CCSER1: variants seen among roughly 807,000 people sequenced by gnomAD.
CCSER1 encodes the protein coiled-coil serine rich protein 1.
A neutral mutation model predicts 82.0 loss-of-function variants in CCSER1; 41 were observed. The observed-to-expected ratio is 0.50, with a 90% CI of 0.39 to 0.65. CCSER1 has a LOEUF of 0.65. Among genes scored for constraint, CCSER1 ranks in the 30% least tolerant of loss-of-function variants. CCSER1 has a pLI of 0.00. For missense variants in CCSER1, 1,119 were observed against 1,064.2 expected (o/e 1.05, Z -0.72); for synonymous variants, 414 against 383.9 (o/e 1.08, Z -0.92).
intron 5 of CCSER1, among the ~76,000 whole-genome samples, chr4:90,537,880 T>G (rs2153634278): frequency 6.6e-6 from 1 of 152,300 alleles, no homozygotes; most frequent in South Asian, 2.1e-4. Context: ...TTTTATTTTC[T>G]TATTGTCTCT....
intron 9 of CCSER1, among the ~76,000 whole-genome samples, chr4:91,068,036 C>T (rs1721024094): frequency 6.6e-6 from 1 of 152,136 alleles, no homozygotes; most frequent in African/African-American, 2.4e-5. Flanking sequence ...CTTACTATAA[C>T]AAATAAATGC....
rs902762513 is a variant in CCSER1 at position 90,413,066 on chromosome 4, C to G, written c.1603+12937C>G. 2.0e-5 allele frequency among the ~76,000 whole-genome samples: 3 copies of G among 152,270 alleles called. No individual in the cohort carries two copies. The South Asian group carries it at 6.2e-4, about 32-fold the overall frequency. ...ACCTAGAAAACCCTAAAGACTCATT[C>G]AAAAACCTCCTGGTAAATGAATTTA... On this transcript the variant is annotated intron_variant, in intron 4 of 10. Coordinates refer to ENST00000509176, the MANE Select transcript of CCSER1 (RefSeq NM_001145065.2).
At chr4:90,399,958 T>A (rs1752574506) in intron 3 of CCSER1, 78 bp from the exon 4 acceptor site, 1 of 705,872 alleles carries the variant, frequency 1.4e-6, no homozygotes, top group South Asian at 2.2e-5. Context: ...CATTTTTGCT[T>A]CACGGCTTCC....
intron 10 of CCSER1, among the ~76,000 whole-genome samples, chr4:91,537,111 C>T (rs988213617): frequency 4.6e-5 from 7 of 152,118 alleles, no homozygotes; most frequent in African/African-American, 7.2e-5. Context: ...TGTTTATTAG[C>T]GGTCAGGCAT....
At chr4:91,075,833 C>T (rs541067750) in intron 9 of CCSER1, among the ~76,000 whole-genome samples, 2 of 152,092 alleles carry the variant, frequency 1.3e-5, no homozygotes, top group Non-Finnish European at 2.9e-5. Flanking sequence ...GGTGATATTA[C>T]AGTATGATTT....
chr4:90,316,069 GT>G (rs1736113868), intron 3 of CCSER1, among the ~76,000 whole-genome samples: 1 of 152,176 alleles, frequency 6.6e-6, no homozygotes, highest in Non-Finnish European at 1.5e-5. Context: ...AGAAACATGT[GT>G]TTTTAATGCT....
At chr4:90,772,261 T>A (rs1166757996) in intron 7 of CCSER1, among the ~76,000 whole-genome samples, 1 of 152,114 alleles carries the variant, frequency 6.6e-6, no homozygotes, top group Non-Finnish European at 1.5e-5. Flanking sequence ...GAGTTTTGTG[T>A]TTGAATCAAT....
chr4:90,684,238 G>A (rs1175796173), intron 6 of CCSER1, among the ~76,000 whole-genome samples: 1 of 152,120 alleles, frequency 6.6e-6, no homozygotes, highest in Non-Finnish European at 1.5e-5. Flanking sequence ...AGGAAATAAT[G>A]AGCAATAGAA....
chr4:91,016,521 G>A (rs1206483439), intron 9 of CCSER1, among the ~76,000 whole-genome samples: 2 of 151,900 alleles, frequency 1.3e-5, no homozygotes, highest in African/African-American at 4.8e-5. Flanking sequence ...AATTATGACT[G>A]TGGTAGTAGC....
intron 10 of CCSER1, among the ~76,000 whole-genome samples, chr4:91,247,851 G>C (rs1263682227): frequency 6.6e-6 from 1 of 152,128 alleles, no homozygotes; most frequent in African/African-American, 2.4e-5. Context: ...CTAGGCGACA[G>C]AGTGAGACTC....
chr4:90,466,417 C>G (rs28631611), intron 4 of CCSER1, among the ~76,000 whole-genome samples: 1 of 152,120 alleles, frequency 6.6e-6, no homozygotes, highest in East Asian at 1.9e-4. Flanking sequence ...GTAAAAGGAG[C>G]CTTGAATCCT....
intron 10 of CCSER1, among the ~76,000 whole-genome samples, chr4:91,298,180 G>T (rs1744369432): frequency 6.6e-6 from 1 of 152,010 alleles, no homozygotes; most frequent in Admixed American, 6.6e-5. Flanking sequence ...TAGAAAAGTG[G>T]ATCAGTCAGA....
chr4:90,409,563 T>A (rs1754343596), intron 4 of CCSER1, among the ~76,000 whole-genome samples: 1 of 152,178 alleles, frequency 6.6e-6, no homozygotes, highest in Non-Finnish European at 1.5e-5. Context: ...TAAAATCCTT[T>A]ACATACAAGC....
At chr4:90,410,315 C>A (rs1193631971) in intron 4 of CCSER1, among the ~76,000 whole-genome samples, 1 of 152,176 alleles carries the variant, frequency 6.6e-6, no homozygotes, top group African/African-American at 2.4e-5. Flanking sequence ...CACCCCAAAT[C>A]AACAGAATAT....
chr4:90,540,523 A>G (rs1213833767), intron 5 of CCSER1, among the ~76,000 whole-genome samples: 2 of 152,152 alleles, frequency 1.3e-5, no homozygotes, highest in East Asian at 3.9e-4. Context: ...AATAGACAAC[A>G]GCAGAACCTT....
chr4:90,809,600 A>G (rs1201570248), intron 7 of CCSER1, among the ~76,000 whole-genome samples: 9 of 152,136 alleles, frequency 5.9e-5, no homozygotes, highest in Admixed American at 5.9e-4. Flanking sequence ...TATTTAAGTG[A>G]TAAGTACACT....
chr4:90,951,756 G>T (rs1354997404), intron 9 of CCSER1, among the ~76,000 whole-genome samples: 1 of 152,054 alleles, frequency 6.6e-6, no homozygotes, highest in African/African-American at 2.4e-5. Context: ...ATAGGTAATT[G>T]TGATTTATTC....
intron 8 of CCSER1, among the ~76,000 whole-genome samples, chr4:90,840,355 G>A (rs1202612591): frequency 4.6e-5 from 7 of 152,108 alleles, no homozygotes; most frequent in Non-Finnish European, 4.4e-5. Flanking sequence ...TTCACCATGG[G>A]AAATCTGTAA....
intron 10 of CCSER1, among the ~76,000 whole-genome samples, chr4:91,149,653 G>T (rs747647895): frequency 1.3e-5 from 2 of 152,144 alleles, no homozygotes; most frequent in Non-Finnish European, 2.9e-5. Flanking sequence ...ATTAATTTTT[G>T]TATAAGGTGT....
Sources: gnomAD v4.1 joint callset for allele counts (sites outside exome capture counted in the v4.1 genomes callset) on GRCh38, gnomAD v4.1.1 for gene constraint, MANE v1.5 for transcripts, NCBI Gene and HGNC (gene_info 2026-07-23, HGNC 2026-07-21) for gene names.